The following VIRMA variants were observed in gnomAD, a reference collection of about 807,000 sequenced individuals.
VIRMA encodes protein virilizer homolog.
In VIRMA, 65 loss-of-function variants were observed where a neutral mutation model predicts 182.4. The ratio of observed to expected loss-of-function variants is 0.36; its 90% CI spans 0.29 to 0.44. The LOEUF (loss-of-function observed/expected upper bound fraction) is 0.44, where lower values mean the gene tolerates loss of function less well. VIRMA is among the 20% of genes least tolerant of loss of function. VIRMA has a pLI of 1.00. For missense variants in VIRMA, 1,752 were observed against 2,158.1 expected, an observed-to-expected ratio of 0.81 and a Z score of 3.73; for synonymous variants, 709 against 743.1, an observed-to-expected ratio of 0.95 and a Z score of 0.75.
intron 5 of VIRMA, chr8:94,533,611 TTTC>T (rs1815240940): frequency 9.0e-6 from 1 of 110,978 alleles, no homozygotes; most frequent in Non-Finnish European, 1.8e-5. Flanking sequence ...CAGCTAATTC[TTTC>T]TTTTTTTTTT....
At chr8:94,509,588 T>C in intron 15 of VIRMA, 100 bp downstream of exon 15, 1 of 1,253,014 alleles carries the variant, frequency 8.0e-7, no homozygotes, top group South Asian at 1.6e-5. Context: ...ATGACAGCTG[T>C]TCATTCACAG....
At position 94,531,917 on chromosome 8, in the gene VIRMA, A is replaced by C. The variant is rs116416200; in HGVS notation, c.485-832T>G. On this transcript the variant is annotated intron_variant, in intron 5 of 23. Coordinates refer to ENST00000297591, the MANE Select transcript of VIRMA (RefSeq NM_015496.5). Reference sequence around the variant, plus strand: ...GTTCAAGGAAATTATGCTGAATGAAAAAAGTCAATCTCACAAAGATACTGC... The same window carrying C: ...GTTCAAGGAAATTATGCTGAATGAACAAAGTCAATCTCACAAAGATACTGC... Among the ~76,000 whole-genome samples the C allele has an allele frequency of 3.9e-3, 597 of 152,350 alleles. 7 individuals carry two copies. Among genetic ancestry groups the C allele is most frequent in the African/African-American group, 0.014 (583 of 41,584 alleles).
At chr8:94,540,267 A>G (rs1268292555) in intron 2 of VIRMA, among the ~76,000 whole-genome samples, 1 of 152,172 alleles carries the variant, frequency 6.6e-6, no homozygotes, top group East Asian at 1.9e-4. Flanking sequence ...TGTAGCTATT[A>G]GAAATCATAA....
chr8:94,544,851 A>G (rs1429941064), intron 1 of VIRMA, among the ~76,000 whole-genome samples: 1 of 152,112 alleles, frequency 6.6e-6, no homozygotes, highest in Non-Finnish European at 1.5e-5. Flanking sequence ...ACTTTGTTAA[A>G]CTTACATACC....
intron 1 of VIRMA, among the ~76,000 whole-genome samples, chr8:94,550,317 G>T (rs1368558912): frequency 6.7e-6 from 1 of 149,578 alleles, no homozygotes; most frequent in Non-Finnish European, 1.5e-5. Flanking sequence ...TTTTGAGACG[G>T]AGTCTCGCTC....
intron 8 of VIRMA, among the ~76,000 whole-genome samples, chr8:94,524,021 C>T (rs1253642194): frequency 2.7e-5 from 4 of 148,708 alleles, no homozygotes; most frequent in East Asian, 2.0e-4. Context: ...TTTTTTGAGA[C>T]GGAGTTTCGC....
intron 16 of VIRMA, among the ~76,000 whole-genome samples, chr8:94,505,149 G>A (rs1227878972): frequency 6.6e-6 from 1 of 152,188 alleles, no homozygotes; most frequent in East Asian, 1.9e-4. Flanking sequence ...AGGAATGGAT[G>A]TGAAGCAGGT....
chr8:94,511,191 T>C lies in VIRMA; in HGVS notation c.3384A>G (p.Thr1128=). The change falls in exon 13 of 24, where the codon ACA becomes ACG. Residue 1128 remains threonine, a synonymous_variant. Coordinates refer to ENST00000297591, the MANE Select transcript of VIRMA (RefSeq NM_015496.5). ...ELLPLPLPMQ[T]TQVIEPHDIS... ...TGTTATATGGAAGTGATACCTGAGT[T>C]GTTTGCATGGGCAATGGAAGAGGCA... The C allele has an allele frequency of 6.2e-7, 1 of 1,613,392 alleles. No homozygotes were observed. The highest frequency in any genetic ancestry group is 8.5e-7 in the Non-Finnish European group (1 of 1,179,882).
chr8:94,526,702 T>G lies in VIRMA; in HGVS notation c.1542A>C (p.Thr514=). The G allele has an allele frequency of 1.2e-6, 2 of 1,613,860 alleles. No individual in the cohort carries two copies. Among genetic ancestry groups the G allele is most frequent in the Non-Finnish European group, 1.7e-6 (2 of 1,179,980 alleles). The change falls in exon 8 of 24, where the codon ACA becomes ACC. Residue 514 remains threonine, a synonymous_variant. Coordinates refer to ENST00000297591, the MANE Select transcript of VIRMA (RefSeq NM_015496.5). The part of the protein sequence containing the change: ...FKALDSVISM[T]EGMEAFLRGR... ...CTCTTAAAAAAGCTTCCATTCCTTC[T>G]GTCATACTAATGACACTGTCCAAAG...
At chr8:94,553,333 G>A in intron 1 of VIRMA, 52 bp downstream of exon 1, 1 of 1,571,766 alleles carries the variant, frequency 6.4e-7, no homozygotes, top group Non-Finnish European at 8.7e-7. Flanking sequence ...CGGTTTTTTT[G>A]TAAAGATCCC....
At position 94,490,001 on chromosome 8, in the gene VIRMA, C is replaced by T. The variant is rs571445933; in HGVS notation, c.5222G>A (p.Arg1741His). ...TCTGTTAAAATTGCTCTGGCCTCCA[C>T]GACTTTCATTGTAATTTCCTCGAGG... ...NTPRGNYNES[R>H]GGQSNFNRGP... The change falls in exon 23 of 24, where the codon CGT (arginine) becomes CAT (histidine). Residue 1741 changes from arginine to histidine, a missense_variant. Arg to His is a conservative substitution (Grantham distance 29). Coordinates refer to ENST00000297591, the MANE Select transcript of VIRMA (RefSeq NM_015496.5). 5.6e-6 allele frequency: 9 copies of T among 1,614,154 alleles called. No individual in the cohort carries two copies. In the African/African-American group the frequency reaches 8.0e-5, roughly 14 times the overall value.
In VIRMA at chr8:94,526,424, G is replaced by A; in HGVS notation, c.1820C>T (p.Ala607Val). ...TTCCAAAAGATCCATATCCATAGAA[G>A]CTTCCACCTCATTTTCATATTCTGG... is the stretch of plus-strand genomic sequence containing the variant. Reference protein sequence around the residue: ...TNPEYENEVEASMDMDLLESS... With the variant: ...TNPEYENEVEVSMDMDLLESS... Residue 607 changes from alanine (A) to valine (V), a missense_variant, in exon 8 of 24, where the codon GCT becomes GTT. Physicochemically the swap from Ala to Val is moderately conservative, Grantham distance 64. Around this residue, in one of 11 missense-constraint regions of VIRMA, gnomAD observed 401 missense variants for 455.1 expected, o/e 0.88. Transcript: ENST00000297591. 1.2e-6 allele frequency: 2 copies of A among 1,613,782 alleles called. No individual in the cohort carries two copies. Among genetic ancestry groups the A allele is most frequent in the Non-Finnish European group, 1.7e-6 (2 of 1,179,902 alleles).
intron 1 of VIRMA, among the ~76,000 whole-genome samples, chr8:94,544,844 T>C (rs985587301): frequency 1.3e-5 from 2 of 152,082 alleles, no homozygotes; most frequent in African/African-American, 2.4e-5. Context: ...TCAGCTTACT[T>C]TGTTAAACTT....
Position 94,534,927 on chromosome 8 carries a change from T to A in VIRMA, c.396A>T (p.Ile132=), listed in dbSNP as rs1297022876. ...LAIYGSVDRV[I]SHDRDSPPPP... ...GTGGTGGAGAGTCTCTGTCATGACT[T>A]ATCACTCTATCCACTGATCCATATA... The change falls in exon 5 of 24, where the codon ATA becomes ATT. Residue 132 remains isoleucine (I), a synonymous_variant. Coordinates refer to ENST00000297591, the MANE Select transcript of VIRMA (RefSeq NM_015496.5). 6.2e-7 allele frequency: 1 copy of A among 1,613,876 alleles called. No individual in the cohort carries two copies. The highest frequency in any genetic ancestry group is 1.3e-5 in the African/African-American group (1 of 74,868).
At position 94,492,914 on chromosome 8, in the gene VIRMA, C is replaced by T. The variant is rs1813651972; in HGVS notation, c.4642-96G>A. On this transcript the variant is annotated intron_variant, in intron 20 of 23. Coordinates refer to ENST00000297591, the MANE Select transcript of VIRMA (RefSeq NM_015496.5). Reference sequence around the variant, plus strand: ...TCTTATTACCTATAAATTATATTTGCCTCTCATAAGAAATAAATTATAGAT... The same window carrying T: ...TCTTATTACCTATAAATTATATTTGTCTCTCATAAGAAATAAATTATAGAT... 6.0e-6 allele frequency: 6 copies of T among 1,008,074 alleles called. No homozygotes were observed. The Admixed American group carries it at 1.4e-4, about 24-fold the overall frequency. The allele number at this position is 1,008,074 out of a possible 1,614,324, so 62.4% of individuals were successfully genotyped here.
chr8:94,521,744 T>C (rs3098717), intron 8 of VIRMA, among the ~76,000 whole-genome samples: 18,275 of 152,180 alleles, frequency 0.12, 1,602 homozygotes, highest in African/African-American at 0.24. Flanking sequence ...GTCCTATTAC[T>C]ATTTAAACCC....
chr8:94,529,057 T>A lies in VIRMA; in HGVS notation c.880+13A>T. 1.2e-6 allele frequency: 2 copies of A among 1,611,632 alleles called. No individual in the cohort carries two copies. The highest frequency in any genetic ancestry group is 1.7e-6 in the Non-Finnish European group (2 of 1,177,830). On this transcript the variant is annotated intron_variant, in intron 7 of 23. Transcript: ENST00000297591. ...AGTACTTAAACCCCAAAGTCCTAGC[T>A]AACATAACCCACCTTCACCTTCTTC...
intron 18 of VIRMA, 58 bp from the exon 19 acceptor site, chr8:94,495,949 TACTG>T: frequency 6.8e-7 from 1 of 1,467,392 alleles, no homozygotes. Context: ...TCTGTAAACC[TACTG>T]ACTCTTTCGT....
rs527351277 is a variant in VIRMA at position 94,526,203 on chromosome 8, A to G, written c.2021+20T>C. 19 of 1,537,032 alleles carry G rather than the reference A, an allele frequency of 1.2e-5. No individual in the cohort carries two copies. The highest frequency in any genetic ancestry group is 9.7e-5 in the African/African-American group (7 of 71,890). On this transcript the variant is annotated intron_variant, in intron 8 of 23. Transcript: ENST00000297591. ...CAATGATTTGTGAAATTTATTTCCC[A>G]AAAGGCAAACATGTCTTACCTAAAG...
Sources: gnomAD v4.1 joint callset for allele counts (sites outside exome capture counted in the v4.1 genomes callset) on GRCh38, gnomAD v4.1.1 for gene constraint, gnomAD v4.1.1 regional missense constraint, MANE v1.5 for transcripts, NCBI Gene and HGNC (gene_info 2026-07-23, HGNC 2026-07-21) for gene names.